HNRNPUL1: variants seen among roughly 807,000 people sequenced by gnomAD.
The protein encoded by HNRNPUL1 is heterogeneous nuclear ribonucleoprotein U like 1, also known as heterogeneous nuclear ribonucleoprotein U-like protein 1.
HNRNPUL1 carries 14 observed loss-of-function variants against 108.5 expected under a neutral mutation model. The observed-to-expected ratio is 0.13, with a 90% CI of 0.09 to 0.20. The LOEUF (loss-of-function observed/expected upper bound fraction) is 0.20. Ranked by LOEUF, HNRNPUL1 falls within the 10% of genes least tolerant of loss-of-function variation. The probability of loss-of-function intolerance (pLI) is 1.00; values close to 1 mark genes in which losing one functional copy is unlikely to be tolerated. For synonymous variants in HNRNPUL1, 422 were observed against 445.2 expected (o/e 0.95, Z 0.66); for missense variants, 804 against 1,168.3 (o/e 0.69, Z 4.55).
At chr19:41,306,395 G>T in intron 14 of HNRNPUL1, 54 bp from the exon 15 acceptor site, 1 of 1,263,518 alleles carries the variant, frequency 7.9e-7, no homozygotes, top group Non-Finnish European at 1.1e-6. Flanking sequence ...TGGTGGGGAG[G>T]CTAAATGTGT....
At chr19:41,295,199 A>G (rs2036817067) in intron 10 of HNRNPUL1, among the ~76,000 whole-genome samples, 1 of 152,200 alleles carries the variant, frequency 6.6e-6, no homozygotes, top group Non-Finnish European at 1.5e-5. Context: ...GGTAAATGCT[A>G]TTATTGCTTC....
At position 41,272,128 on chromosome 19, in the gene HNRNPUL1, G is replaced by T; in HGVS notation, c.465G>T (p.Pro155=). ...MKQGAPTSFL[P]PEASQLKPDR... ...AAGGAGCACCCACCAGCTTCCTCCC[G>T]CCTGAAGCTTCTCAACTCAAGCCAG... Residue 155 remains proline (P), a synonymous_variant, in exon 3 of 15, where the codon CCG becomes CCT. Coordinates refer to ENST00000392006, the MANE Select transcript of HNRNPUL1 (RefSeq NM_007040.6). The T allele has an allele frequency of 6.2e-7, 1 of 1,614,044 alleles. No homozygotes were observed. The highest frequency in any genetic ancestry group is 1.1e-5 in the South Asian group (1 of 91,062).
chr19:41,276,698 G>T (rs2035577954), intron 5 of HNRNPUL1: 1 of 164,732 alleles, frequency 6.1e-6, no homozygotes, highest in Non-Finnish European at 1.3e-5. Context: ...GCTTAGGCCA[G>T]CCTCTGCTGT....
At chr19:41,282,756 C>T (rs1410730033) in intron 7 of HNRNPUL1, among the ~76,000 whole-genome samples, 1 of 145,068 alleles carries the variant, frequency 6.9e-6, no homozygotes, top group East Asian at 2.0e-4. Flanking sequence ...GTGGCGGGAT[C>T]TCGGCTCACT....
chr19:41,301,556 C>G lies in HNRNPUL1; in HGVS notation c.1539C>G (p.Ala513=), dbSNP rs145148866. 4 of 1,613,756 alleles carry G rather than the reference C, an allele frequency of 2.5e-6. No individual in the cohort carries two copies. Among genetic ancestry groups the G allele is most frequent in the Non-Finnish European group, 3.4e-6 (4 of 1,179,936 alleles). Residue 513 remains alanine (A), a synonymous_variant, in exon 11 of 15, where the codon GCC becomes GCG. Coordinates refer to ENST00000392006, the MANE Select transcript of HNRNPUL1 (RefSeq NM_007040.6). ...ILDQTNVYGS[A]QRRKMRPFEG... is the part of the protein sequence containing the mutation. ...CTTAGACAAATGTTTATGGGTCAGC[C>G]CAGAGACGAAAAATGAGACCATTTG...
At chr19:41,287,427 T>G (rs1001433322) in intron 7 of HNRNPUL1, among the ~76,000 whole-genome samples, 1 of 152,226 alleles carries the variant, frequency 6.6e-6, no homozygotes, top group Non-Finnish European at 1.5e-5. Context: ...CAATATTCTT[T>G]CGTCCAGTTG....
intron 2 of HNRNPUL1, among the ~76,000 whole-genome samples, chr19:41,269,822 C>T (rs1381093400): frequency 1.3e-5 from 2 of 151,922 alleles, no homozygotes; most frequent in East Asian, 1.9e-4. Context: ...AGGCCGAGTG[C>T]GATGGCTGTT....
At chr19:41,274,365 A>G (rs1226439755) in intron 4 of HNRNPUL1, among the ~76,000 whole-genome samples, 1 of 152,064 alleles carries the variant, frequency 6.6e-6, no homozygotes, top group Non-Finnish European at 1.5e-5. Context: ...AATCTGGAAA[A>G]CCCTGAACCG....
intron 10 of HNRNPUL1, 90 bp from the exon 11 acceptor site, chr19:41,301,446 T>C (rs2037205923): frequency 4.7e-6 from 5 of 1,069,576 alleles, no homozygotes; most frequent in Non-Finnish European, 5.4e-6. Flanking sequence ...GATATCCTTT[T>C]CTCAGTCCCT....
intron 12 of HNRNPUL1, 73 bp downstream of exon 12, chr19:41,303,022 A>C (rs562012045): frequency 6.9e-7 from 1 of 1,455,442 alleles, no homozygotes; most frequent in Non-Finnish European, 9.2e-7. Context: ...TGCTTATTCA[A>C]TCAGCAACTG....
intron 3 of HNRNPUL1, among the ~76,000 whole-genome samples, chr19:41,273,243 C>T (rs1263659476): frequency 1.3e-5 from 2 of 152,146 alleles, no homozygotes; most frequent in East Asian, 1.9e-4. Context: ...CCTGGCCTGG[C>T]GAGGCCAGAG....
chr19:41,291,941 A>G (rs1222080548), intron 7 of HNRNPUL1: 1 of 347,252 alleles, frequency 2.9e-6, no homozygotes, highest in Non-Finnish European at 5.3e-6. Context: ...TAGCTGTGCC[A>G]CTGCACTCAG....
chr19:41,302,554 T>G, intron 11 of HNRNPUL1, 111 bp from the exon 12 acceptor site: 1 of 1,348,524 alleles, frequency 7.4e-7, no homozygotes, highest in Non-Finnish European at 1.1e-6. Context: ...TATTCCAGTT[T>G]TCTTCACCTT....
rs2036657958 is a variant in HNRNPUL1 at position 41,292,658 on chromosome 19, G to A, written c.1266+147G>A. On this transcript the variant is annotated intron_variant, in intron 8 of 14. Transcript: ENST00000392006. This position sits in a 1 kb window ranked among gnomAD's most constrained non-coding sequence, Gnocchi z 4.1. The stretch of plus-strand genomic sequence containing the variant: ...GCTCCTCAGGGTTGGACTCAGAGCT[G>A]AAAAGCTGCTCTGAGTGTGAGGTGA... 2.1e-6 allele frequency: 2 copies of A among 971,610 alleles called. No individual in the cohort carries two copies. Among genetic ancestry groups the A allele is most frequent in the African/African-American group, 1.6e-5 (1 of 62,382 alleles). 60.2% of individuals were successfully genotyped at this position (971,610 alleles called of 1,614,324 possible). A position where few individuals can be genotyped will look rare whatever the true frequency, so the allele number is the denominator to read the frequency against.
intron 1 of HNRNPUL1, 109 bp downstream of exon 1, chr19:41,264,907 G>C: frequency 7.5e-7 from 1 of 1,342,258 alleles, no homozygotes; most frequent in Non-Finnish European, 9.5e-7. Flanking sequence ...CTGAGGATCG[G>C]GGGATCCCGC....
At chr19:41,303,006 T>A (rs1599856507) in intron 12 of HNRNPUL1, 57 bp downstream of exon 12, 1 of 1,484,060 alleles carries the variant, frequency 6.7e-7, no homozygotes, top group East Asian at 2.3e-5. Flanking sequence ...GGGGCTGGGC[T>A]TTGACTGCTT....
At chr19:41,274,968 C>T (rs749414464) in intron 4 of HNRNPUL1, among the ~76,000 whole-genome samples, 10 of 152,090 alleles carry the variant, frequency 6.6e-5, no homozygotes, top group East Asian at 3.9e-4. Flanking sequence ...CAGATCATGA[C>T]GGTCAGCCTT....
chr19:41,281,038 G>A (rs1435502900), intron 6 of HNRNPUL1, 125 bp from the exon 7 acceptor site: 1 of 640,850 alleles, frequency 1.6e-6, no homozygotes, highest in African/African-American at 1.8e-5. Flanking sequence ...TTTTAAAAAG[G>A]CATCTGATTA....
intron 14 of HNRNPUL1, 35 bp from the exon 15 acceptor site, chr19:41,306,414 C>T (rs760082285): frequency 1.8e-5 from 27 of 1,463,814 alleles, no homozygotes; most frequent in Non-Finnish European, 2.4e-5. Flanking sequence ...GTGGTGGATG[C>T]AGGACAACTT....
Sources: allele counts gnomAD v4.1 joint callset (sites outside exome capture counted in the v4.1 genomes callset), GRCh38; gene constraint gnomAD v4.1.1; non-coding constraint Gnocchi (gnomAD v3.1); transcripts MANE v1.5; gene names NCBI Gene and HGNC (gene_info 2026-07-23, HGNC 2026-07-21).